The following UNC93B1 variants were observed in gnomAD, a reference collection of about 807,000 sequenced individuals.
UNC93B1 encodes unc-93B1 regulator of TLR signaling, also known as protein unc-93 homolog B1.
UNC93B1 carries 33 observed loss-of-function variants against 56.8 expected under a neutral mutation model. That is an observed-to-expected ratio of 0.58 (90% CI 0.44 to 0.78). The LOEUF (loss-of-function observed/expected upper bound fraction) is 0.78. UNC93B1 is among the 30% of genes least tolerant of loss of function. The probability of loss-of-function intolerance (pLI) is 0.00; values close to 1 mark genes in which losing one functional copy is unlikely to be tolerated. For missense variants in UNC93B1, 673 were observed against 819.5 expected, an observed-to-expected ratio of 0.82 and a Z score of 2.18; for synonymous variants, 334 against 358.6, an observed-to-expected ratio of 0.93 and a Z score of 0.77.
In UNC93B1 at chr11:67,991,282, G is replaced by T. The variant is rs572552306; in HGVS notation, c.*264C>A. 7.8e-5 allele frequency: 29 copies of T among 370,846 alleles called. No homozygotes were observed. The South Asian group carries it at 2.4e-3, about 31-fold the overall frequency. The allele number at this position is 370,846 out of a possible 1,614,324, so 23.0% of individuals were successfully genotyped here. ...CCTGACCGTGCTCCGGCGCTGGGGC[G>T]CGTGCTAAGGGCCCGCGGGGTTTCA... On this transcript the variant is annotated 3_prime_UTR_variant, in exon 11 of 11. Coordinates refer to ENST00000227471, the MANE Select transcript of UNC93B1 (RefSeq NM_030930.4).
intron 10 of UNC93B1, among the ~76,000 whole-genome samples, chr11:67,992,700 T>C (rs574468521): frequency 6.9e-6 from 1 of 145,810 alleles, no homozygotes; most frequent in South Asian, 2.2e-4. Context: ...AGTCTCGCTC[T>C]GTCCTCCAGG....
chr11:67,997,949 A>G, intron 6 of UNC93B1, 150 bp from the exon 7 acceptor site: 1 of 1,255,156 alleles, frequency 8.0e-7, no homozygotes, highest in Non-Finnish European at 1.1e-6. Context: ...AGCAGTTTGG[A>G]GGTTTGGACC....
chr11:68,004,010 C>A lies in UNC93B1; in HGVS notation c.34G>T (p.Gly12Trp). 7.1e-7 allele frequency: 1 copy of A among 1,404,214 alleles called. No individual in the cohort carries two copies. The highest frequency in any genetic ancestry group is 1.5e-5 in the South Asian group (1 of 67,192). The allele number at this position is 1,404,214 out of a possible 1,614,324, so 87.0% of individuals were successfully genotyped here. A position where few individuals can be genotyped will look rare whatever the true frequency, so the allele number is the denominator to read the frequency against. ...EAEPPLYPMAGAAGPQGDEDL... is the reference protein window; with the variant it reads ...EAEPPLYPMAWAAGPQGDEDL... ...TCGTCGCCCTGCGGCCCCGCAGCCC[C>A]CGCCATCGGGTAGAGCGGCGGCTCC... The change falls in exon 1 of 11, where the codon GGG becomes TGG. Residue 12 changes from glycine (G) to tryptophan (W), a missense_variant. Around this residue, in one of 3 missense-constraint regions of UNC93B1, gnomAD observed 438 missense variants for 465.9 expected, o/e 0.94. Coordinates refer to ENST00000227471, the MANE Select transcript of UNC93B1 (RefSeq NM_030930.4).
In UNC93B1 at chr11:68,003,013, C is replaced by A; in HGVS notation, c.392+9G>T. On this transcript the variant is annotated intron_variant, in intron 3 of 10. Coordinates refer to ENST00000227471, the MANE Select transcript of UNC93B1 (RefSeq NM_030930.4). The surrounding 1 kb of genome is among the most constrained non-coding windows in gnomAD (Gnocchi z 4.4). ...TACCGCAGCATCCCACAGGAGCAGCCGCGCCCACCTGATGAGCACAGGTGT... is the reference window on the plus strand; with the variant it reads ...TACCGCAGCATCCCACAGGAGCAGCAGCGCCCACCTGATGAGCACAGGTGT... 6.2e-7 allele frequency: 1 copy of A among 1,604,816 alleles called. No individual in the cohort carries two copies. The highest frequency in any genetic ancestry group is 8.5e-7 in the Non-Finnish European group (1 of 1,176,100).
chr11:67,995,958 G>GA, intron 8 of UNC93B1, 74 bp from the exon 9 acceptor site: 5 of 1,214,020 alleles, frequency 4.1e-6, no homozygotes, highest in Non-Finnish European at 5.1e-6. Flanking sequence ...CCCGCATCGC[G>GA]GGGGTGCCTC....
chr11:67,996,868 G>C, intron 7 of UNC93B1, 84 bp from the exon 8 acceptor site: 1 of 1,415,440 alleles, frequency 7.1e-7, no homozygotes, highest in South Asian at 1.5e-5. Flanking sequence ...GATGCACCAC[G>C]TGCCTGGGCC....
intron 7 of UNC93B1, chr11:67,997,444 C>T: frequency 1.5e-6 from 1 of 649,830 alleles, no homozygotes; most frequent in Non-Finnish European, 2.5e-6. Flanking sequence ...CCTCTGGATG[C>T]CCACGCCTGC....
chr11:68,002,511 T>C (rs1190876451), intron 3 of UNC93B1, among the ~76,000 whole-genome samples: 2 of 152,294 alleles, frequency 1.3e-5, no homozygotes, highest in East Asian at 3.9e-4. Context: ...GAGGGCACTG[T>C]GGACCGGTGA....
At chr11:67,996,101 T>G in intron 8 of UNC93B1, 1 of 279,378 alleles carries the variant, frequency 3.6e-6, no homozygotes. Context: ...GGTTGGCTCT[T>G]ACTCCCCGCA....
chr11:67,995,284 G>A (rs1463675209), intron 9 of UNC93B1, among the ~76,000 whole-genome samples: 1 of 152,054 alleles, frequency 6.6e-6, no homozygotes, highest in East Asian at 1.9e-4. Flanking sequence ...ATGTAGCCAC[G>A]AGACTTCACA....
chr11:67,991,785 G>T lies in UNC93B1; in HGVS notation c.1555C>A (p.Arg519Ser), dbSNP rs1215131427. The T allele has an allele frequency of 1.3e-6, 2 of 1,542,254 alleles. No homozygotes were observed. The highest frequency in any genetic ancestry group is 2.4e-5 in the South Asian group (2 of 84,644). ...VSYLRMEQKL[R>S]RGVAPRQPRI... ...GGCTGGCGCGGGGCCACGCCCCGGC[G>T]CAGCTTCTGCTCCATCCGCAGGTAG... is the stretch of plus-strand genomic sequence containing the variant. The change falls in exon 11 of 11, where the codon CGC (arginine) becomes AGC (serine). Residue 519 changes from arginine (R) to serine (S), a missense_variant. By Grantham distance (110) the Arg-to-Ser change is moderately radical. This residue lies in a region of UNC93B1 where 155 missense variants were observed against 268.3 expected (regional missense o/e 0.58). Transcript: ENST00000227471.
Position 67,995,717 on chromosome 11 carries a change from G to A in UNC93B1, c.1257C>T (p.Leu419=), listed in dbSNP as rs1485788433. The change falls in exon 9 of 11, where the codon CTC becomes CTT. Residue 419 remains leucine (L), a synonymous_variant. Transcript: ENST00000227471. ...AGVHLLLTFI[L]FFWAPVPRVL... is the part of the protein sequence containing the mutation. Reference sequence around the variant, plus strand: ...CCCGAGGCACAGGGGCCCAGAAAAAGAGGATGAAGGTGAGCAGCAGGTGCA... The same window carrying A: ...CCCGAGGCACAGGGGCCCAGAAAAAAAGGATGAAGGTGAGCAGCAGGTGCA... 3 of 1,548,644 alleles carry A rather than the reference G, an allele frequency of 1.9e-6. No individual in the cohort carries two copies. Among genetic ancestry groups the A allele is most frequent in the Admixed American group, 2.0e-5 (1 of 51,002 alleles).
chr11:68,001,111 G>A (rs886768326), intron 3 of UNC93B1, among the ~76,000 whole-genome samples: 4 of 152,008 alleles, frequency 2.6e-5, no homozygotes, highest in South Asian at 4.2e-4. Context: ...CAGGAAAATC[G>A]CTTGAACCTG....
Position 67,996,720 on chromosome 11 carries a change from C to A in UNC93B1, c.971G>T (p.Trp324Leu). The A allele has an allele frequency of 6.4e-7, 1 of 1,554,146 alleles. No individual in the cohort carries two copies. The highest frequency in any genetic ancestry group is 8.7e-7 in the Non-Finnish European group (1 of 1,148,484). The change falls in exon 8 of 11, where the codon TGG (tryptophan) becomes TTG (leucine). Residue 324 changes from tryptophan to leucine, a missense_variant. Around this residue, in one of 3 missense-constraint regions of UNC93B1, gnomAD observed 438 missense variants for 465.9 expected, o/e 0.94. Transcript: ENST00000227471. ...GAAGGGCAGCTGGAAGATGTTGCCCCAGCCCACGCTGCGCAGATCGATCTC... is the reference window on the plus strand; with the variant it reads ...GAAGGGCAGCTGGAAGATGTTGCCCAAGCCCACGCTGCGCAGATCGATCTC... Reference protein sequence around the residue: ...TEEIDLRSVGWGNIFQLPFKH... With the variant: ...TEEIDLRSVGLGNIFQLPFKH...
chr11:67,997,593 G>A (rs1231586354), intron 7 of UNC93B1, 82 bp downstream of exon 7: 6 of 1,583,998 alleles, frequency 3.8e-6, no homozygotes, highest in South Asian at 3.3e-5. Flanking sequence ...CATGCCATCC[G>A]ATCCAGACCC....
intron 3 of UNC93B1, among the ~76,000 whole-genome samples, chr11:68,002,053 C>T (rs748276147): frequency 2.6e-5 from 4 of 151,984 alleles, no homozygotes; most frequent in South Asian, 2.1e-4. Flanking sequence ...GTAGGAGAAT[C>T]GCTTGAGCCT....
At chr11:68,002,779 G>A (rs538039220) in intron 3 of UNC93B1, among the ~76,000 whole-genome samples, 1 of 152,322 alleles carries the variant, frequency 6.6e-6, no homozygotes, top group Non-Finnish European at 1.5e-5. Context: ...CAAGCTGGGA[G>A]GGAGCTCAGC....
At position 67,997,696 on chromosome 11, in the gene UNC93B1, C is replaced by A. The variant is rs758121352; in HGVS notation, c.885G>T (p.Val295=). ...LIVVESVLMA[V]AFLAMLLVLG... The stretch of plus-strand genomic sequence containing the variant: ...GCACCAGCAGCATGGCCAGGAAGGC[C>A]ACTGCCATGAGCACGCTCTCCACCA... Residue 295 remains valine, a synonymous_variant, in exon 7 of 11, where the codon GTG becomes GTT. Transcript: ENST00000227471. 3.7e-6 allele frequency: 6 copies of A among 1,606,400 alleles called. No individual in the cohort carries two copies. The highest frequency in any genetic ancestry group is 1.8e-4 in the Middle Eastern group (1 of 5,584).
At chr11:67,996,213 G>C (rs1856945544) in intron 8 of UNC93B1, among the ~76,000 whole-genome samples, 1 of 151,826 alleles carries the variant, frequency 6.6e-6, no homozygotes, top group African/African-American at 2.4e-5. Context: ...GTGGGGAGAA[G>C]GGCTGGCTCT....
Sources: gnomAD v4.1 joint callset for allele counts (sites outside exome capture counted in the v4.1 genomes callset) on GRCh38, gnomAD v4.1.1 for gene constraint, gnomAD v4.1.1 regional missense constraint, Gnocchi (gnomAD v3.1) non-coding constraint, MANE v1.5 for transcripts, NCBI Gene and HGNC (gene_info 2026-07-23, HGNC 2026-07-21) for gene names.